QSOX1: variants seen among roughly 807,000 people sequenced by gnomAD.
The protein encoded by QSOX1 is sulfhydryl oxidase 1.
Under a neutral mutation model 76.1 loss-of-function variants are expected in QSOX1, and 40 were observed. The observed-to-expected ratio is 0.53, with a 90% CI of 0.41 to 0.68. QSOX1 has a LOEUF of 0.68. Ranked by LOEUF, QSOX1 falls within the 30% of genes least tolerant of loss-of-function variation. The pLI is 0.00. For synonymous variants in QSOX1, 392 were observed against 413.1 expected, an observed-to-expected ratio of 0.95 and a Z score of 0.62; for missense variants, 931 against 974.3, an observed-to-expected ratio of 0.96 and a Z score of 0.59.
At chr1:180,168,169 G>A (rs925822523) in intron 2 of QSOX1, among the ~76,000 whole-genome samples, 2 of 152,246 alleles carry the variant, frequency 1.3e-5, no homozygotes, top group African/African-American at 4.8e-5. Context: ...AGGCCCAGGA[G>A]GTCAGAGGCT....
At chr1:180,169,535 C>G (rs142065072) in intron 2 of QSOX1, among the ~76,000 whole-genome samples, 766 of 152,354 alleles carry the variant, frequency 5.0e-3, no homozygotes, top group Non-Finnish European at 8.5e-3. Flanking sequence ...TAACATCCAC[C>G]TAAGAGGACC....
intron 10 of QSOX1, 114 bp downstream of exon 10, chr1:180,190,694 C>T (rs1443395707): frequency 7.6e-7 from 1 of 1,313,500 alleles, no homozygotes; most frequent in Non-Finnish European, 1.0e-6. Context: ...TCCCAGCTGC[C>T]AGAAGATGGG....
At chr1:180,168,507 T>C (rs568948590) in intron 2 of QSOX1, among the ~76,000 whole-genome samples, 11 of 152,376 alleles carry the variant, frequency 7.2e-5, no homozygotes, top group African/African-American at 2.6e-4. Flanking sequence ...TCTGAGGTCC[T>C]ATGCAGCGGC....
At position 180,202,814 on chromosome 1, in the gene QSOX1, C is replaced by A. The variant is rs1223802539; in HGVS notation, c.*5777C>A. The stretch of plus-strand genomic sequence containing the variant: ...AGAAATAAGGCCAGGCACGGTGGCT[C>A]ACGCTTGTAATCCTAGCACTTTGGG... On this transcript the variant is annotated 3_prime_UTR_variant, in exon 12 of 12. Transcript: ENST00000367602. The A allele has an allele frequency of 6.6e-6, 1 of 152,094 alleles. No homozygotes were observed. The highest frequency in any genetic ancestry group is 2.4e-5 in the African/African-American group (1 of 41,410). The allele number at this position is 152,094 out of a possible 1,614,324, so 9.4% of individuals were successfully genotyped here.
chr1:180,157,272 T>C (rs1254264185), intron 1 of QSOX1, among the ~76,000 whole-genome samples: 2 of 152,138 alleles, frequency 1.3e-5, no homozygotes, highest in Admixed American at 6.5e-5. Context: ...AGCCAGATCG[T>C]GTTGGGAGGG....
intron 1 of QSOX1, among the ~76,000 whole-genome samples, chr1:180,165,392 C>T (rs192867186): frequency 6.6e-6 from 1 of 152,374 alleles, no homozygotes; most frequent in African/African-American, 2.4e-5. Flanking sequence ...GGCAGACACT[C>T]CCAGTCTGGT....
intron 5 of QSOX1, among the ~76,000 whole-genome samples, 184 bp from the exon 6 acceptor site, chr1:180,181,990 A>G (rs1663049841): frequency 2.0e-5 from 3 of 152,150 alleles, no homozygotes; most frequent in Non-Finnish European, 2.9e-5. Context: ...CTTGCTACCT[A>G]CTGGTTAGCT....
rs1393825073 is a variant in QSOX1 at position 180,154,985 on chromosome 1, C to T, written c.78C>T (p.Gly26=). The change falls in exon 1 of 12, where the codon GGC becomes GGT. Residue 26 remains glycine, a synonymous_variant. Transcript: ENST00000367602. ...TGCTGTGGCTGCTCGCGGTTCCCGG[C>T]GCTAACGCGGCCCCGCGGTCGGCGC... The part of the protein sequence containing the change: ...LLLLWLLAVP[G]ANAAPRSALY... 5 of 1,508,678 alleles carry T rather than the reference C, an allele frequency of 3.3e-6. No homozygotes were observed. Among genetic ancestry groups the T allele is most frequent in the African/African-American group, 1.4e-5 (1 of 69,332 alleles). 93.5% of individuals were successfully genotyped at this position (1,508,678 alleles called of 1,614,324 possible). A position where few individuals can be genotyped will look rare whatever the true frequency, so the allele number is the denominator to read the frequency against.
rs1333750375 is a variant in QSOX1, at chr1:180,201,822, T to C, written c.*4785T>C. Reference sequence around the variant, plus strand: ...TTCTCCATAGAGAGGGGCTGGGCCATGGGACCCCAGTTCCTGGGGTCTCGG... The same window carrying C: ...TTCTCCATAGAGAGGGGCTGGGCCACGGGACCCCAGTTCCTGGGGTCTCGG... On this transcript the variant is annotated 3_prime_UTR_variant, in exon 12 of 12. Transcript: ENST00000367602. 1 of 152,182 alleles carries C rather than the reference T, an allele frequency of 6.6e-6. No individual in the cohort carries two copies. Among genetic ancestry groups the C allele is most frequent in the Non-Finnish European group, 1.5e-5 (1 of 68,048 alleles). 9.4% of individuals were successfully genotyped at this position (152,182 alleles called of 1,614,324 possible).
intron 2 of QSOX1, among the ~76,000 whole-genome samples, chr1:180,170,178 T>A (rs1363844224): frequency 2.6e-5 from 4 of 151,824 alleles, no homozygotes; most frequent in African/African-American, 7.3e-5. Flanking sequence ...GGGTACAGAG[T>A]CTGGGCTGTT....
chr1:180,158,106 C>CT (rs925115103), intron 1 of QSOX1, among the ~76,000 whole-genome samples: 5 of 152,190 alleles, frequency 3.3e-5, no homozygotes, highest in African/African-American at 1.2e-4. Flanking sequence ...TTGTCTTCCT[C>CT]TTTTTTTAAA....
intron 6 of QSOX1, among the ~76,000 whole-genome samples, chr1:180,183,333 C>T (rs1435203714): frequency 6.6e-6 from 1 of 151,518 alleles, no homozygotes; most frequent in African/African-American, 2.4e-5. Context: ...GGAGGTATCC[C>T]GTGCCCTGGA....
rs1362176838 is a variant in QSOX1 at position 180,201,190 on chromosome 1, A to T, written c.*4153A>T. 1 of 152,204 alleles carries T rather than the reference A, an allele frequency of 6.6e-6. No individual in the cohort carries two copies. Among genetic ancestry groups the T allele is most frequent in the Non-Finnish European group, 1.5e-5 (1 of 68,044 alleles). The allele number at this position is 152,204 out of a possible 1,614,324, so 9.4% of individuals were successfully genotyped here. A position where few individuals can be genotyped will look rare whatever the true frequency, so the allele number is the denominator to read the frequency against. Reference sequence around the variant, plus strand: ...TTCCCATCCATGTATTGCCAGCTACATGTAGAGTGGAGAGGAGAGGTTTTT... The same window carrying T: ...TTCCCATCCATGTATTGCCAGCTACTTGTAGAGTGGAGAGGAGAGGTTTTT... On this transcript the variant is annotated 3_prime_UTR_variant, in exon 12 of 12. Transcript: ENST00000367602.
intron 9 of QSOX1, 26 bp from the exon 10 acceptor site, chr1:180,190,407 T>C (rs374026223): frequency 1.2e-6 from 2 of 1,603,934 alleles, no homozygotes; most frequent in South Asian, 1.1e-5. Context: ...TCTCCATATG[T>C]GCACTCACAC....
intron 5 of QSOX1, among the ~76,000 whole-genome samples, chr1:180,180,030 C>T (rs1000093223): frequency 6.6e-6 from 1 of 152,232 alleles, no homozygotes; most frequent in Non-Finnish European, 1.5e-5. Flanking sequence ...GCCAAGTGCC[C>T]CATGCCCATG....
chr1:180,181,092 G>A (rs999762171), intron 5 of QSOX1, among the ~76,000 whole-genome samples: 1 of 152,154 alleles, frequency 6.6e-6, no homozygotes, highest in Admixed American at 6.5e-5. Context: ...TTTCTCTGAA[G>A]ATAAATGAGG....
At chr1:180,155,264 C>G in intron 1 of QSOX1, 92 bp downstream of exon 1, 2 of 1,209,632 alleles carry the variant, frequency 1.7e-6, no homozygotes, top group Non-Finnish European at 2.2e-6. Flanking sequence ...GGAGCGCGTC[C>G]CTCTTCCAGT....
chr1:180,158,658 T>G (rs2149228529), intron 1 of QSOX1, among the ~76,000 whole-genome samples: 1 of 152,206 alleles, frequency 6.6e-6, no homozygotes, highest in African/African-American at 2.4e-5. Context: ...TAACTCTCTG[T>G]GTCAGGAGAG....
intron 1 of QSOX1, among the ~76,000 whole-genome samples, chr1:180,161,857 T>G (rs1414881654): frequency 6.6e-6 from 1 of 152,250 alleles, no homozygotes; most frequent in African/African-American, 2.4e-5. Flanking sequence ...TTCTGGAAAT[T>G]CTTTCCCAGT....
Sources: gnomAD v4.1 joint callset for allele counts (sites outside exome capture counted in the v4.1 genomes callset) on GRCh38, gnomAD v4.1.1 for gene constraint, MANE v1.5 for transcripts, NCBI Gene and HGNC (gene_info 2026-07-23, HGNC 2026-07-21) for gene names.